The following DAB1 variants were observed in gnomAD, a reference collection of about 807,000 sequenced individuals.
DAB1 encodes disabled homolog 1.
Under a neutral mutation model 64.6 loss-of-function variants are expected in DAB1, and 15 were observed. The observed-to-expected ratio is 0.23, with a 90% CI of 0.16 to 0.36. DAB1 has a LOEUF of 0.36. DAB1 is among the 10% of genes least tolerant of loss of function. The pLI is 1.00. For synonymous variants in DAB1, 235 were observed against 251.9 expected, an observed-to-expected ratio of 0.93 and a Z score of 0.64; for missense variants, 596 against 706.7, an observed-to-expected ratio of 0.84 and a Z score of 1.78.
At chr1:57,764,513 A>C (rs1417121170) in intron 6 of DAB1, among the ~76,000 whole-genome samples, 3 of 152,168 alleles carry the variant, frequency 2.0e-5, no homozygotes, top group African/African-American at 7.2e-5. Flanking sequence ...ATATAGGAAC[A>C]CTGGAACTTA....
At chr1:57,531,810 T>G (rs955378227) in intron 7 of DAB1, among the ~76,000 whole-genome samples, 1 of 152,106 alleles carries the variant, frequency 6.6e-6, no homozygotes, top group Non-Finnish European at 1.5e-5. Context: ...GTATAAATAA[T>G]CCCACCATGG....
chr1:57,237,794 C>T (rs537518801), intron 2 of DAB1, among the ~76,000 whole-genome samples: 2 of 152,260 alleles, frequency 1.3e-5, no homozygotes, highest in South Asian at 2.1e-4. Context: ...TTGAAAACCA[C>T]ATTTATTTAA....
At chr1:57,301,271 A>G (rs1570213924) in intron 1 of DAB1, among the ~76,000 whole-genome samples, 1 of 152,192 alleles carries the variant, frequency 6.6e-6, no homozygotes, top group African/African-American at 2.4e-5. Flanking sequence ...GGCCACAGCT[A>G]TAGCCTCCCA....
At chr1:57,415,287 G>GCACA (rs1684412474) in intron 1 of DAB1, among the ~76,000 whole-genome samples, 1 of 105,180 alleles carries the variant, frequency 9.5e-6, no homozygotes, top group African/African-American at 3.5e-5. Context: ...ACACATATAT[G>GCACA]CACACACTCC....
intron 1 of DAB1, among the ~76,000 whole-genome samples, chr1:57,400,657 T>C (rs970441288): frequency 2.6e-5 from 4 of 151,740 alleles, no homozygotes; most frequent in African/African-American, 9.7e-5. Context: ...GTGTGGGCCC[T>C]AAATTATCTC....
intron 1 of DAB1, among the ~76,000 whole-genome samples, chr1:58,540,622 A>G (rs1646591279): frequency 6.6e-6 from 1 of 150,450 alleles, no homozygotes; most frequent in African/African-American, 2.5e-5. Context: ...TGAGACTAAC[A>G]GCAGATTAAC....
chr1:58,372,186 A>C (rs901740518), intron 3 of DAB1, among the ~76,000 whole-genome samples: 4 of 152,242 alleles, frequency 2.6e-5, no homozygotes, highest in Admixed American at 2.6e-4. Context: ...TACCCTGCAG[A>C]GCCACAGAGT....
chr1:57,105,504 A>T (rs1323418683), intron 4 of DAB1, among the ~76,000 whole-genome samples: 1 of 152,052 alleles, frequency 6.6e-6, no homozygotes, highest in African/African-American at 2.4e-5. Flanking sequence ...GTGTTATTAC[A>T]ATTCTGTATT....
At chr1:57,026,907 G>A (rs933191421) in intron 9 of DAB1, among the ~76,000 whole-genome samples, 35 of 152,154 alleles carry the variant, frequency 2.3e-4, no homozygotes, top group African/African-American at 7.0e-4. Flanking sequence ...AGTCTATGGC[G>A]TGACTTAATT....
At chr1:57,371,249 G>A (rs925947057) in intron 1 of DAB1, among the ~76,000 whole-genome samples, 2 of 152,174 alleles carry the variant, frequency 1.3e-5, no homozygotes, top group Non-Finnish European at 2.9e-5. Flanking sequence ...CTTGCAGGGT[G>A]GCCACCGTCG....
chr1:57,316,007 G>C (rs1181066215), intron 1 of DAB1, among the ~76,000 whole-genome samples: 1 of 152,130 alleles, frequency 6.6e-6, no homozygotes. Context: ...TAGGATAGGT[G>C]TATTACCACC....
intron 7 of DAB1, among the ~76,000 whole-genome samples, chr1:57,441,409 G>A (rs531053527): frequency 6.7e-6 from 1 of 149,932 alleles, no homozygotes; most frequent in East Asian, 2.0e-4. Flanking sequence ...AGGCTGGAGT[G>A]TACTGACCTG....
In DAB1 at chr1:57,011,287, C is replaced by T; in HGVS notation, c.1445-15G>A. The T allele has an allele frequency of 6.2e-7, 1 of 1,608,920 alleles. No individual in the cohort carries two copies. The highest frequency in any genetic ancestry group is 1.3e-5 in the African/African-American group (1 of 74,676). On this transcript the variant is annotated splice_polypyrimidine_tract_variant and intron_variant, in intron 12 of 14. Transcript: ENST00000371236. The stretch of plus-strand genomic sequence containing the variant: ...TGGGGTTGGAGCTACACAGAGACCA[C>T]AGAAAAAGAGACATCTTAAGTGCCT...
At chr1:57,736,596 T>C (rs1261240182) in intron 6 of DAB1, among the ~76,000 whole-genome samples, 1 of 152,200 alleles carries the variant, frequency 6.6e-6, no homozygotes, top group Non-Finnish European at 1.5e-5. Flanking sequence ...ATAATACATA[T>C]GTTGAAAGAA....
At position 57,364,287 on chromosome 1, in the gene DAB1, C is replaced by T. The variant is rs143373940; in HGVS notation, c.-137+59643G>A. Among the ~76,000 whole-genome samples, 148 of 152,228 alleles carry T rather than the reference C, an allele frequency of 9.7e-4. 2 individuals carry two copies. The highest frequency in any genetic ancestry group is 3.4e-3 in the African/African-American group (141 of 41,540). ...TATTTCTAAGAGAGTATTAAAGAAC[C>T]AGTCCAAATGAAAATTCCAAAATTA... On this transcript the variant is annotated intron_variant, in intron 1 of 14. Transcript: ENST00000371236.
At chr1:57,488,861 C>T (rs927241299) in intron 7 of DAB1, among the ~76,000 whole-genome samples, 2 of 151,954 alleles carry the variant, frequency 1.3e-5, no homozygotes, top group South Asian at 2.1e-4. Flanking sequence ...ATAATAATAT[C>T]GATTTTGAAG....
At chr1:58,478,357 T>C (rs1246317973) in intron 3 of DAB1, among the ~76,000 whole-genome samples, 1 of 152,220 alleles carries the variant, frequency 6.6e-6, no homozygotes, top group Admixed American at 6.5e-5. Context: ...CGGGTATGTC[T>C]TTATAGCAGT....
chr1:57,418,599 A>G (rs1382085315), intron 1 of DAB1, among the ~76,000 whole-genome samples: 1 of 152,128 alleles, frequency 6.6e-6, no homozygotes, highest in Non-Finnish European at 1.5e-5. Flanking sequence ...TTTTTATACC[A>G]TAAGTTAAAC....
At position 57,916,080 on chromosome 1, in the gene DAB1, C is replaced by T. The variant is rs758665207; in HGVS notation, n.388-31918G>A. Among the ~76,000 whole-genome samples the T allele has an allele frequency of 2.8e-4, 42 of 152,304 alleles. 1 individual carries two copies. The highest frequency in any genetic ancestry group is 1.9e-3 in the South Asian group (9 of 4,826). On this transcript the variant is annotated intron_variant and non_coding_transcript_variant, in intron 5 of 20. Coordinates refer to the DAB1 transcript ENST00000485760. The stretch of plus-strand genomic sequence containing the variant: ...GGTCTTCTTCCTCTTTACCAAGGTG[C>T]TTCATAAAGACAGTCACTCTCCCTG...
Sources: allele counts gnomAD v4.1 joint callset (sites outside exome capture counted in the v4.1 genomes callset), GRCh38; gene constraint gnomAD v4.1.1; transcripts MANE v1.5; gene names NCBI Gene and HGNC (gene_info 2026-07-23, HGNC 2026-07-21).